DNAH7: variants seen among roughly 807,000 people sequenced by gnomAD.
DNAH7 encodes dynein axonemal heavy chain 7.
A neutral mutation model predicts 444.6 loss-of-function variants in DNAH7; 397 were observed. The ratio of observed to expected loss-of-function variants is 0.89; its 90% confidence interval spans 0.82 to 0.97. DNAH7 has a LOEUF of 0.97. Among genes scored for constraint, DNAH7 ranks in the 50% least tolerant of loss-of-function variants. The pLI is 0.00. For missense variants in DNAH7, 4,902 were observed against 4,800.8 expected, an observed-to-expected ratio of 1.02 and a Z score of -0.62; for synonymous variants, 1,636 against 1,624.4, an observed-to-expected ratio of 1.01 and a Z score of -0.17.
At chr2:195,939,705 C>G (rs959012546) in intron 19 of DNAH7, among the ~76,000 whole-genome samples, 51 of 152,204 alleles carry the variant, frequency 3.4e-4, no homozygotes, top group African/African-American at 1.2e-3. Context: ...CACAACCACC[C>G]ACCAATCTCA....
chr2:195,884,645 CTT>C lies in DNAH7; in HGVS notation c.5701_5702del (p.Lys1901GlyfsTer8). 3 of 1,614,166 alleles carry C rather than the reference CTT, an allele frequency of 1.9e-6. No individual in the cohort carries two copies. The highest frequency in any genetic ancestry group is 2.5e-6 in the Non-Finnish European group (3 of 1,180,016). On this transcript the variant is annotated frameshift_variant, in exon 35 of 65. Transcript: ENST00000312428. LOFTEE classifies it high-confidence loss of function. ...TTTCAGGAAATGGGACAGTTAGTGCCTTTGAGGATGTTTGCTCAGTACCACTC... is the reference window on the plus strand; with the variant it reads ...TTTCAGGAAATGGGACAGTTAGTGCCTGAGGATGTTTGCTCAGTACCACTC... ...LQSGTEQTSS[K>X]ALTVPFPEKG... is the part of the protein sequence containing the mutation.
chr2:196,056,125 T>A (rs1697786289), intron 2 of DNAH7, among the ~76,000 whole-genome samples: 1 of 152,130 alleles, frequency 6.6e-6, no homozygotes, highest in South Asian at 2.1e-4. Flanking sequence ...AGTAAACAGT[T>A]CTGTGCTAGC....
chr2:195,983,338 G>T (rs1443151483), intron 15 of DNAH7, among the ~76,000 whole-genome samples: 1 of 152,084 alleles, frequency 6.6e-6, no homozygotes, highest in Non-Finnish European at 1.5e-5. Context: ...AAGAAAATAG[G>T]TTTTTTGGCT....
At chr2:195,890,003 T>C (rs1701922706) in intron 31 of DNAH7, among the ~76,000 whole-genome samples, 1 of 152,224 alleles carries the variant, frequency 6.6e-6, no homozygotes, top group Non-Finnish European at 1.5e-5. Flanking sequence ...CAGAGACTGA[T>C]TCTCCTTTTC....
rs752748444 is a variant in DNAH7, at chr2:196,047,535, A to C, written c.251-36T>G. On this transcript the variant is annotated intron_variant, in intron 4 of 64. Coordinates refer to ENST00000312428, the MANE Select transcript of DNAH7 (RefSeq NM_018897.3). The stretch of plus-strand genomic sequence containing the variant: ...AACAAAAAAAAAAGCACAATTATTC[A>C]TCTAAAAGGTAAGCTAAAGCATTTC... 7.4e-6 allele frequency: 11 copies of C among 1,495,820 alleles called. No homozygotes were observed. In the South Asian group the frequency reaches 1.3e-4, roughly 18 times the overall value. The allele number at this position is 1,495,820 out of a possible 1,614,324, so 92.7% of individuals were successfully genotyped here. A position where few individuals can be genotyped will look rare whatever the true frequency, so the allele number is the denominator to read the frequency against.
At chr2:195,967,621 T>C (rs1212307496) in intron 17 of DNAH7, among the ~76,000 whole-genome samples, 1 of 152,152 alleles carries the variant, frequency 6.6e-6, no homozygotes, top group Admixed American at 6.5e-5. Context: ...CATGATATAC[T>C]ATTCTAGGGT....
Position 195,875,784 on chromosome 2 carries a change from G to C in DNAH7, c.6177C>G (p.Pro2059=), listed in dbSNP as rs1481811478. ...CTAACCACTGTCTAAGTAACTCAAT[G>C]GGAGGTTGAGCCCCATATACCTCCC... is the stretch of plus-strand genomic sequence containing the variant. The part of the protein sequence containing the change: ...PAREVYGAQP[P]IELLRQWLDH... The change falls in exon 38 of 65, where the codon CCC becomes CCG. Residue 2059 remains proline (P), a synonymous_variant. Transcript: ENST00000312428. 5.0e-6 allele frequency: 8 copies of C among 1,613,712 alleles called. No homozygotes were observed. The highest frequency in any genetic ancestry group is 6.8e-6 in the Non-Finnish European group (8 of 1,179,848).
chr2:195,910,278 T>A (rs1031495046), intron 24 of DNAH7, 83 bp from the exon 25 acceptor site: 1 of 1,187,412 alleles, frequency 8.4e-7, no homozygotes, highest in African/African-American at 1.6e-5. Flanking sequence ...AAAGGTTAAA[T>A]TGAGAACCAA....
In DNAH7 at chr2:195,799,289, A is replaced by G; in HGVS notation, c.10353+7T>C. On this transcript the variant is annotated splice_region_variant and intron_variant, in intron 55 of 64. Transcript: ENST00000312428. ...AATATCCGATAACTTCATCTATTGT[A>G]AGGTACCTGGTCATCAGCAAATTTT... 1.3e-6 allele frequency: 2 copies of G among 1,543,404 alleles called. No homozygotes were observed. The highest frequency in any genetic ancestry group is 1.7e-6 in the Non-Finnish European group (2 of 1,145,050).
At chr2:195,961,212 A>G (rs1691076867) in intron 17 of DNAH7, among the ~76,000 whole-genome samples, 1 of 152,206 alleles carries the variant, frequency 6.6e-6, no homozygotes, top group East Asian at 1.9e-4. Context: ...ACTAATTAAC[A>G]TACATTACCT....
chr2:195,913,243 C>T (rs1316870055), intron 24 of DNAH7, among the ~76,000 whole-genome samples: 1 of 151,894 alleles, frequency 6.6e-6, no homozygotes, highest in African/African-American at 2.4e-5. Flanking sequence ...GAGATAGGAA[C>T]CTGGAGTTAA....
chr2:195,980,333 G>A (rs1459789126), intron 15 of DNAH7, among the ~76,000 whole-genome samples: 4 of 152,162 alleles, frequency 2.6e-5, no homozygotes, highest in Admixed American at 1.3e-4. Context: ...AGAAGGACAT[G>A]TTTGCTTTCC....
rs1352808120 is a variant in DNAH7, at chr2:195,884,829, A to C, written c.5539-20T>G. 3.8e-6 allele frequency: 6 copies of C among 1,580,334 alleles called. No homozygotes were observed. In the East Asian group the frequency reaches 9.0e-5, roughly 24 times the overall value. Reference sequence around the variant, plus strand: ...AATGCCCTGCATTGGACAGATGAGAAGATTAAGAACAATTAAAGAATAATT... The same window carrying C: ...AATGCCCTGCATTGGACAGATGAGACGATTAAGAACAATTAAAGAATAATT... On this transcript the variant is annotated intron_variant, in intron 34 of 64. Transcript: ENST00000312428.
In DNAH7 at chr2:195,910,056, C is replaced by G. The variant is rs1195993581; in HGVS notation, c.4075G>C (p.Asp1359His). The G allele has an allele frequency of 6.2e-7, 1 of 1,612,940 alleles. No individual in the cohort carries two copies. Among genetic ancestry groups the G allele is most frequent in the Non-Finnish European group, 8.5e-7 (1 of 1,179,446 alleles). Residue 1359 changes from aspartate (D) to histidine (H), a missense_variant, in exon 25 of 65, where the codon GAT becomes CAT. By Grantham distance (81) the Asp-to-His change is moderately conservative. Coordinates refer to ENST00000312428, the MANE Select transcript of DNAH7 (RefSeq NM_018897.3). ...AAGAATTTTCCCAAAGCCAAATAAT[C>G]CAACCCATCAGAGCAGTTGAAAACA... ...CVVFNCSDGL[D>H]YLALGKFFKG...
chr2:195,738,886 C>G (rs1029283637), intron 64 of DNAH7, among the ~76,000 whole-genome samples: 1 of 152,162 alleles, frequency 6.6e-6, no homozygotes, highest in Non-Finnish European at 1.5e-5. Context: ...CAGGTCAAAA[C>G]ACAGATTGTT....
chr2:195,749,603 C>A (rs1347054363), intron 63 of DNAH7, among the ~76,000 whole-genome samples: 1 of 150,908 alleles, frequency 6.6e-6, no homozygotes, highest in African/African-American at 2.4e-5. Context: ...CAATGATAGA[C>A]TGGATTAAGA....
Position 195,824,303 on chromosome 2 carries a change from A to G in DNAH7, c.9243T>C (p.Ile3081=). ...IEYAPDFRFY[I]TTKLRNPHYL... ...AATGAGGATTTCTTAACTTGGTAGT[A>G]ATATAGAAGCGGAAGTCAGGTGCAT... Residue 3081 remains isoleucine, a synonymous_variant, in exon 49 of 65, where the codon ATT becomes ATC. Transcript: ENST00000312428. 1 of 1,613,810 alleles carries G rather than the reference A, an allele frequency of 6.2e-7. No individual in the cohort carries two copies. Among genetic ancestry groups the G allele is most frequent in the South Asian group, 1.1e-5 (1 of 91,020 alleles).
At chr2:196,022,930 A>G (rs778327634) in intron 8 of DNAH7, among the ~76,000 whole-genome samples, 2 of 152,128 alleles carry the variant, frequency 1.3e-5, no homozygotes, top group Non-Finnish European at 2.9e-5. Flanking sequence ...AGGTGCAGGT[A>G]TATTTGTTAC....
At chr2:195,957,218 A>C in intron 19 of DNAH7, 43 bp downstream of exon 19, 3 of 1,415,172 alleles carry the variant, frequency 2.1e-6, no homozygotes, top group Non-Finnish European at 2.8e-6. Flanking sequence ...AAATCATGTC[A>C]CTTCAACCAA....
Sources: gnomAD v4.1 joint callset for allele counts (sites outside exome capture counted in the v4.1 genomes callset) on GRCh38, gnomAD v4.1.1 for gene constraint, MANE v1.5 for transcripts, NCBI Gene and HGNC (gene_info 2026-07-23, HGNC 2026-07-21) for gene names.